Variants in MLF2 observed in about 807,000 individuals in gnomAD.
MLF2 encodes myelodysplasia-myeloid leukemia factor 2.
A neutral mutation model predicts 31.4 loss-of-function variants in MLF2; 12 were observed. That is an observed-to-expected ratio of 0.38 (90% confidence interval 0.24 to 0.62). The LOEUF is 0.62. Ranked by LOEUF, MLF2 falls within the 20% of genes least tolerant of loss-of-function variation. The probability of loss-of-function intolerance (pLI) is 0.58; values close to 1 mark genes in which losing one functional copy is unlikely to be tolerated. For missense variants in MLF2, 272 were observed against 359.7 expected (o/e 0.76, Z 1.97); for synonymous variants, 109 against 118.8 (o/e 0.92, Z 0.54).
Position 6,752,513 on chromosome 12 carries a change from C to CACTCAGTGTGGGGA in MLF2, c.-28-152_-28-151insTCCCCACACTGAGT, listed in dbSNP as rs1941631766. On this transcript the variant is annotated intron_variant, in intron 1 of 8. Transcript: ENST00000203630. This position sits in a 1 kb window ranked among gnomAD's most constrained non-coding sequence, Gnocchi z 4.6. ...CCCTACTCCAGGTGTTCCACACAAC[C>CACTCAGTGTGGGGA]CTCTAGGGAGGGAAGGGCTCTTCAA... is the stretch of plus-strand genomic sequence containing the variant. 7 of 626,674 alleles carry CACTCAGTGTGGGGA rather than the reference C, an allele frequency of 1.1e-5. No individual in the cohort carries two copies. In the East Asian group the frequency reaches 2.0e-4, roughly 18 times the overall value. The allele number at this position is 626,674 out of a possible 1,614,324, so 38.8% of individuals were successfully genotyped here. A position where few individuals can be genotyped will look rare whatever the true frequency, so the allele number is the denominator to read the frequency against.
At position 6,752,090 on chromosome 12, in the gene MLF2, G is replaced by A. The variant is rs369834760; in HGVS notation, c.51-36C>T. 13 of 1,612,652 alleles carry A rather than the reference G, an allele frequency of 8.1e-6. No individual in the cohort carries two copies. Among genetic ancestry groups the A allele is most frequent in the Admixed American group, 3.3e-5 (2 of 59,950 alleles). On this transcript the variant is annotated intron_variant, in intron 2 of 8. Transcript: ENST00000203630. The surrounding 1 kb of genome is among the most constrained non-coding windows in gnomAD (Gnocchi z 4.6). ...AGCACATAGTATGGATGGCAGAAGCGCCAAACTGTCAATCCCTCCACCACC... is the reference window on the plus strand; with the variant it reads ...AGCACATAGTATGGATGGCAGAAGCACCAAACTGTCAATCCCTCCACCACC...
rs1218411952 is a variant in MLF2, at chr12:6,753,072, C to T, written c.-162G>A. The T allele has an allele frequency of 2.6e-6, 1 of 387,642 alleles. No individual in the cohort carries two copies. The highest frequency in any genetic ancestry group is 4.6e-6 in the Non-Finnish European group (1 of 219,544). The allele number at this position is 387,642 out of a possible 1,614,324, so 24.0% of individuals were successfully genotyped here. A position where few individuals can be genotyped will look rare whatever the true frequency, so the allele number is the denominator to read the frequency against. ...CTCGGCCTTCCACGCCGCCTCCTCC[C>T]ACAGCTGCCACCTCCGTACGGCCCC... On this transcript the variant is annotated 5_prime_UTR_variant, in exon 1 of 9. Coordinates refer to ENST00000203630, the MANE Select transcript of MLF2 (RefSeq NM_001382226.1).
Position 6,753,131 on chromosome 12 carries a change from C to G in MLF2, c.-221G>C, listed in dbSNP as rs762997220. On this transcript the variant is annotated 5_prime_UTR_variant, in exon 1 of 9. Coordinates refer to ENST00000203630, the MANE Select transcript of MLF2 (RefSeq NM_001382226.1). ...ACGGAGCCCGAACCTCGGCCAGGCC[C>G]GGGCGGAAGTGACGTCACGATAGAC... 1 of 393,616 alleles carries G rather than the reference C, an allele frequency of 2.5e-6. No homozygotes were observed. Among genetic ancestry groups the G allele is most frequent in the Non-Finnish European group, 4.5e-6 (1 of 223,438 alleles). The allele number at this position is 393,616 out of a possible 1,614,324, so 24.4% of individuals were successfully genotyped here. A position where few individuals can be genotyped will look rare whatever the true frequency, so the allele number is the denominator to read the frequency against.
At position 6,752,125 on chromosome 12, in the gene MLF2, A is replaced by T. The variant is rs1439030543; in HGVS notation, c.51-71T>A. The T allele has an allele frequency of 6.2e-7, 1 of 1,605,528 alleles. No individual in the cohort carries two copies. Among genetic ancestry groups the T allele is most frequent in the African/African-American group, 1.3e-5 (1 of 74,776 alleles). On this transcript the variant is annotated intron_variant, in intron 2 of 8. Coordinates refer to ENST00000203630, the MANE Select transcript of MLF2 (RefSeq NM_001382226.1). The surrounding 1 kb of genome is among the most constrained non-coding windows in gnomAD (Gnocchi z 4.6). Reference sequence around the variant, plus strand: ...CAATCCCTCCACCACCCTGCAAAAAAATACGCACAGAGCAACAGTGGCACC... The same window carrying T: ...CAATCCCTCCACCACCCTGCAAAAATATACGCACAGAGCAACAGTGGCACC...
rs557293926 is a variant in MLF2 at position 6,748,787 on chromosome 12, C to T, written c.*8G>A. The T allele has an allele frequency of 6.8e-5, 103 of 1,521,986 alleles. No individual in the cohort carries two copies. Among genetic ancestry groups the T allele is most frequent in the Non-Finnish European group, 8.4e-5 (96 of 1,143,328 alleles). 94.3% of individuals were successfully genotyped at this position (1,521,986 alleles called of 1,614,324 possible). A position where few individuals can be genotyped will look rare whatever the true frequency, so the allele number is the denominator to read the frequency against. On this transcript the variant is annotated 3_prime_UTR_variant, in exon 8 of 9. Transcript: ENST00000203630. This position sits in a 1 kb window ranked among gnomAD's most constrained non-coding sequence, Gnocchi z 4.6. ...ATACTTACAAGAGAGGCTGAGGGCC[C>T]GGGGCCCTCACCAGTCATAGCGGCG...
Position 6,748,575 on chromosome 12 carries a change from A to C in MLF2, c.*26-28T>G, listed in dbSNP as rs1050268960. 6 of 454,852 alleles carry C rather than the reference A, an allele frequency of 1.3e-5. No individual in the cohort carries two copies. Among genetic ancestry groups the C allele is most frequent in the Non-Finnish European group, 2.3e-5 (6 of 259,920 alleles). The allele number at this position is 454,852 out of a possible 1,614,324, so 28.2% of individuals were successfully genotyped here. On this transcript the variant is annotated intron_variant, in intron 8 of 8. Coordinates refer to ENST00000203630, the MANE Select transcript of MLF2 (RefSeq NM_001382226.1). This position sits in a 1 kb window ranked among gnomAD's most constrained non-coding sequence, Gnocchi z 4.6. ...GGAGGGGGAAAGAGAGAGGAGCACA[A>C]GTCAAAAGGAAGAAAAAACTTACGT...
chr12:6,748,719 G>A lies in MLF2; in HGVS notation c.*25+51C>T, dbSNP rs1941562343. On this transcript the variant is annotated intron_variant, in intron 8 of 8. Transcript: ENST00000203630. This position sits in a 1 kb window ranked among gnomAD's most constrained non-coding sequence, Gnocchi z 4.6. ...GAGCCTGAACTGAGCCTGCCTTGCA[G>A]CCGAGGACCGTCCGCAGGTGCACCC... 7.2e-7 allele frequency: 1 copy of A among 1,380,558 alleles called. No individual in the cohort carries two copies. Among genetic ancestry groups the A allele is most frequent in the Non-Finnish European group, 9.6e-7 (1 of 1,041,296 alleles). The allele number at this position is 1,380,558 out of a possible 1,614,324, so 85.5% of individuals were successfully genotyped here. A position where few individuals can be genotyped will look rare whatever the true frequency, so the allele number is the denominator to read the frequency against.
rs751508294 is a variant in MLF2, at chr12:6,750,194, G to A, written c.382C>T (p.Arg128Cys). 9 of 1,614,196 alleles carry A rather than the reference G, an allele frequency of 5.6e-6. No individual in the cohort carries two copies. Among genetic ancestry groups the A allele is most frequent in the African/African-American group, 1.3e-5 (1 of 75,058 alleles). The part of the protein sequence containing the change: ...PKVYQETSEM[R>C]SAPGGIRETR... ...CAACTCACCCCGCCTGGTGCCGAGC[G>A]CATCTCTGATGTCTCTTGGTAGACC... Residue 128 changes from arginine (R) to cysteine (C), a missense_variant, in exon 6 of 9, where the codon CGC becomes TGC. By Grantham distance (180) the Arg-to-Cys change is radical (BLOSUM62 -3). Transcript: ENST00000203630. The surrounding 1 kb of genome is among the most constrained non-coding windows in gnomAD (Gnocchi z 5.3).
Position 6,749,805 on chromosome 12 carries a change from C to T in MLF2, c.559+43G>A, listed in dbSNP as rs7970575. 0.13 allele frequency: 211,409 copies of T among 1,608,928 alleles called. 14,841 individuals are homozygous for T. The highest frequency in any genetic ancestry group is 0.21 in the African/African-American group (15,434 of 74,784). Reference sequence around the variant, plus strand: ...ATGTGTTAGGGATGTCCACGGGAACCGGGTTAGGGGCTGCCAGCCAGGAAG... The same window carrying T: ...ATGTGTTAGGGATGTCCACGGGAACTGGGTTAGGGGCTGCCAGCCAGGAAG... On this transcript the variant is annotated intron_variant, in intron 7 of 8. Coordinates refer to ENST00000203630, the MANE Select transcript of MLF2 (RefSeq NM_001382226.1). The surrounding 1 kb of genome is among the most constrained non-coding windows in gnomAD (Gnocchi z 5.3).
intron 4 of MLF2, 151 bp downstream of exon 4, chr12:6,751,490 T>C: frequency 1.1e-6 from 1 of 901,110 alleles, no homozygotes; most frequent in Non-Finnish European, 1.8e-6. Flanking sequence ...GGGCTCCTAG[T>C]ACCCAACAGG....
rs533929015 is a variant in MLF2, at chr12:6,752,577, C to A, written c.-28-215G>T. 326 of 484,104 alleles carry A rather than the reference C, an allele frequency of 6.7e-4. 2 individuals carry two copies. The highest frequency in any genetic ancestry group is 5.3e-3 in the African/African-American group (274 of 51,708). 30.0% of individuals were successfully genotyped at this position (484,104 alleles called of 1,614,324 possible). A position where few individuals can be genotyped will look rare whatever the true frequency, so the allele number is the denominator to read the frequency against. ...TTAGGGCCATGGAAAATTTTTCCAA[C>A]CCTCTCGGTTTTTCCCTCCCCCACT... On this transcript the variant is annotated intron_variant, in intron 1 of 8. Transcript: ENST00000203630. The surrounding 1 kb of genome is among the most constrained non-coding windows in gnomAD (Gnocchi z 4.6).
rs770054472 is a variant in MLF2 at position 6,748,975 on chromosome 12, G to A, written c.567C>T (p.Ala189=). ...QDYINLDESE[A]AAFDDEWRRE... ...GCCGCCACTCGTCATCAAACGCTGC[G>A]GCCTCACCTGGAAAGGACAGAGCGG... The change falls in exon 8 of 9, where the codon GCC becomes GCT. Residue 189 remains alanine, a synonymous_variant. Transcript: ENST00000203630. This position sits in a 1 kb window ranked among gnomAD's most constrained non-coding sequence, Gnocchi z 4.6. 1.1e-5 allele frequency: 17 copies of A among 1,594,144 alleles called. No individual in the cohort carries two copies. The highest frequency in any genetic ancestry group is 2.3e-5 in the South Asian group (2 of 88,248).
intron 4 of MLF2, 64 bp downstream of exon 4, chr12:6,751,577 G>A (rs1251367350): frequency 3.9e-6 from 6 of 1,543,678 alleles, no homozygotes; most frequent in Non-Finnish European, 4.5e-6. Context: ...GGCACATTTG[G>A]GAATAATATC....
In MLF2 at chr12:6,751,976, G is replaced by C. The variant is rs1941621987; in HGVS notation, c.129C>G (p.Ile43Met). ...TGGTCCCTGGCATGTTGCCATCTGT[G>C]ATGCTGAGGAAGGGGCTATATCCAA... ...GGFGYSPFLS[I>M]TDGNMPGTRP... is the part of the protein sequence containing the mutation. Residue 43 changes from isoleucine to methionine, a missense_variant, in exon 3 of 9, where the codon ATC becomes ATG. Coordinates refer to ENST00000203630, the MANE Select transcript of MLF2 (RefSeq NM_001382226.1). The C allele has an allele frequency of 1.2e-6, 2 of 1,614,126 alleles. No individual in the cohort carries two copies. Among genetic ancestry groups the C allele is most frequent in the Non-Finnish European group, 1.7e-6 (2 of 1,180,060 alleles).
rs964735870 is a variant in MLF2, at chr12:6,752,443, T to C, written c.-28-81A>G. The C allele has an allele frequency of 9.4e-6, 11 of 1,167,186 alleles. No individual in the cohort carries two copies. The African/African-American group carries it at 1.7e-4, about 18-fold the overall frequency. The allele number at this position is 1,167,186 out of a possible 1,614,324, so 72.3% of individuals were successfully genotyped here. The stretch of plus-strand genomic sequence containing the variant: ...CTCAGTGTGGGGACTCTCAGAGCAC[T>C]GTCCTTTCCAAATCCTGTAACTGAC... On this transcript the variant is annotated intron_variant, in intron 1 of 8. Coordinates refer to ENST00000203630, the MANE Select transcript of MLF2 (RefSeq NM_001382226.1). This position sits in a 1 kb window ranked among gnomAD's most constrained non-coding sequence, Gnocchi z 4.6.
At position 6,749,986 on chromosome 12, in the gene MLF2, C is replaced by A. The variant is rs1321771126; in HGVS notation, c.421G>T (p.Val141Phe). ...TCCAGTCCACTGTCTGAATCCCGAA[C>A]AGTCCTCCGTGTCTCCCGGATCTGG... The part of the protein sequence containing the change: ...PGGIRETRRT[V>F]RDSDSGLEQM... The change falls in exon 7 of 9, where the codon GTT (valine) becomes TTT (phenylalanine). Residue 141 changes from valine (V) to phenylalanine (F), a missense_variant. Transcript: ENST00000203630. The surrounding 1 kb of genome is among the most constrained non-coding windows in gnomAD (Gnocchi z 5.3). The A allele has an allele frequency of 6.2e-7, 1 of 1,614,106 alleles. No homozygotes were observed. Among genetic ancestry groups the A allele is most frequent in the Non-Finnish European group, 8.5e-7 (1 of 1,180,060 alleles).
In MLF2 at chr12:6,748,515, C is replaced by A; in HGVS notation, c.*58G>T. 1 of 340,954 alleles carries A rather than the reference C, an allele frequency of 2.9e-6. No homozygotes were observed. Among genetic ancestry groups the A allele is most frequent in the African/African-American group, 2.1e-5 (1 of 47,360 alleles). The allele number at this position is 340,954 out of a possible 1,614,324, so 21.1% of individuals were successfully genotyped here. The stretch of plus-strand genomic sequence containing the variant: ...TGGGAATCGAGAGGAAAAAGTTATT[C>A]AGGGGATGATTTCTCAGCCTCTCAG... On this transcript the variant is annotated 3_prime_UTR_variant, in exon 9 of 9. Coordinates refer to ENST00000203630, the MANE Select transcript of MLF2 (RefSeq NM_001382226.1). The surrounding 1 kb of genome is among the most constrained non-coding windows in gnomAD (Gnocchi z 4.6).
rs1941641459 is a variant in MLF2, at chr12:6,753,086, C to A, written c.-176G>T. Reference sequence around the variant, plus strand: ...CCGCCTCCTCCCACAGCTGCCACCTCCGTACGGCCCCCTCGGCCAACGGAG... The same window carrying A: ...CCGCCTCCTCCCACAGCTGCCACCTACGTACGGCCCCCTCGGCCAACGGAG... On this transcript the variant is annotated 5_prime_UTR_variant, in exon 1 of 9. Transcript: ENST00000203630. 8 of 390,446 alleles carry A rather than the reference C, an allele frequency of 2.0e-5. No individual in the cohort carries two copies. Among genetic ancestry groups the A allele is most frequent in the Admixed American group, 1.3e-4 (3 of 22,376 alleles). 24.2% of individuals were successfully genotyped at this position (390,446 alleles called of 1,614,324 possible).
Position 6,752,426 on chromosome 12 carries a change from G to A in MLF2, c.-28-64C>T, listed in dbSNP as rs2137784337. On this transcript the variant is annotated intron_variant, in intron 1 of 8. Transcript: ENST00000203630. The surrounding 1 kb of genome is among the most constrained non-coding windows in gnomAD (Gnocchi z 4.6). ...AGGGTTTTGCACACCCACTCAGTGT[G>A]GGGACTCTCAGAGCACTGTCCTTTC... The A allele has an allele frequency of 7.5e-7, 1 of 1,339,088 alleles. No homozygotes were observed. Among genetic ancestry groups the A allele is most frequent in the Non-Finnish European group, 1.0e-6 (1 of 959,958 alleles). 83.0% of individuals were successfully genotyped at this position (1,339,088 alleles called of 1,614,324 possible). A position where few individuals can be genotyped will look rare whatever the true frequency, so the allele number is the denominator to read the frequency against.
Sources: allele counts gnomAD v4.1 joint callset, GRCh38; gene constraint gnomAD v4.1.1; non-coding constraint Gnocchi (gnomAD v3.1); transcripts MANE v1.5; gene names NCBI Gene and HGNC (gene_info 2026-07-23, HGNC 2026-07-21).